FAP: variants seen among roughly 807,000 people sequenced by gnomAD.
FAP encodes the protein prolyl endopeptidase FAP.
A neutral mutation model predicts 126.5 loss-of-function variants in FAP; 110 were observed. The ratio of observed to expected loss-of-function variants is 0.87; its 90% CI spans 0.74 to 1.02. The LOEUF is 1.02. Among genes scored for constraint, FAP ranks in the 50% least tolerant of loss-of-function variants. FAP has a pLI of 0.00. For synonymous variants in FAP, 334 were observed against 297.3 expected (o/e 1.12, Z -1.27); for missense variants, 919 against 909.2 (o/e 1.01, Z -0.14).
At chr2:162,231,902 C>G (rs1001910887) in intron 2 of FAP, among the ~76,000 whole-genome samples, 1 of 152,124 alleles carries the variant, frequency 6.6e-6, no homozygotes, top group African/African-American at 2.4e-5. Context: ...CTCACTTTTG[C>G]ACTTGATTTG....
intron 20 of FAP, among the ~76,000 whole-genome samples, chr2:162,187,674 G>A (rs765692169): frequency 2.9e-4 from 44 of 152,006 alleles, no homozygotes; most frequent in Admixed American, 1.2e-3. Context: ...TTTGTCAAAC[G>A]AAAATAGGCA....
chr2:162,205,327 C>G (rs1164246684), intron 12 of FAP, among the ~76,000 whole-genome samples: 2 of 152,112 alleles, frequency 1.3e-5, no homozygotes, highest in Non-Finnish European at 1.5e-5. Context: ...GAGACTAATG[C>G]TTCCAAGTGA....
At chr2:162,176,181 A>G (rs1687477026) in intron 21 of FAP, 1 of 152,160 alleles carries the variant, frequency 6.6e-6, no homozygotes, top group Non-Finnish European at 1.5e-5. Flanking sequence ...AGAGAGAGGT[A>G]GACAGACATG....
chr2:162,198,404 G>A (rs1576157660), intron 16 of FAP: 16 of 1,232,476 alleles, frequency 1.3e-5, no homozygotes, highest in Non-Finnish European at 1.7e-5. Flanking sequence ...GTCTTGCGAA[G>A]CCTAGCTGAC....
At chr2:162,189,067 GTAAA>G (rs773241905) in intron 19 of FAP, 32 bp downstream of exon 19, 1 of 1,315,124 alleles carries the variant, frequency 7.6e-7, no homozygotes, top group South Asian at 1.3e-5. Context: ...CATATTTTCA[GTAAA>G]TAGTTTTTAC....
intron 14 of FAP, among the ~76,000 whole-genome samples, chr2:162,201,818 T>C (rs1688509678): frequency 6.6e-6 from 1 of 152,202 alleles, no homozygotes; most frequent in Non-Finnish European, 1.5e-5. Flanking sequence ...ACATTGCCAC[T>C]CTTCTAGTTC....
chr2:162,198,684 G>A lies in FAP; in HGVS notation c.1402+73C>T, dbSNP rs73973042. 9,871 of 1,533,308 alleles carry A rather than the reference G, an allele frequency of 6.4e-3. 553 individuals carry two copies. In the African/African-American group the frequency reaches 0.12, roughly 19 times the overall value. 95.0% of individuals were successfully genotyped at this position (1,533,308 alleles called of 1,614,324 possible). On this transcript the variant is annotated intron_variant, in intron 16 of 25. Coordinates refer to ENST00000188790, the MANE Select transcript of FAP (RefSeq NM_004460.5). The stretch of plus-strand genomic sequence containing the variant: ...TGCTCATTAACTGTAGCTACGAATT[G>A]ATCAGATAGAGGTGAGGAGGATGAC...
chr2:162,181,341 G>A (rs1220023838), intron 21 of FAP, among the ~76,000 whole-genome samples: 1 of 152,036 alleles, frequency 6.6e-6, no homozygotes, highest in Non-Finnish European at 1.5e-5. Context: ...AGAGAAAGGT[G>A]TCACAGGCAT....
At chr2:162,192,430 T>G (rs1688082296) in intron 17 of FAP, among the ~76,000 whole-genome samples, 1 of 152,078 alleles carries the variant, frequency 6.6e-6, no homozygotes, top group African/African-American at 2.4e-5. Context: ...ATCCCCCTCC[T>G]TCTGTTCCTT....
chr2:162,236,311 A>G (rs1690127496), intron 2 of FAP, among the ~76,000 whole-genome samples: 1 of 152,176 alleles, frequency 6.6e-6, no homozygotes, highest in South Asian at 2.1e-4. Flanking sequence ...TGCGGGTAAT[A>G]CCTTATAGAA....
chr2:162,216,947 T>C (rs1689179818), intron 9 of FAP, among the ~76,000 whole-genome samples: 1 of 152,224 alleles, frequency 6.6e-6, no homozygotes, highest in South Asian at 2.1e-4. Flanking sequence ...TCTTCAGTTC[T>C]GGGTTCCCCG....
intron 20 of FAP, among the ~76,000 whole-genome samples, chr2:162,186,192 T>A (rs1005594362): frequency 6.6e-6 from 1 of 152,150 alleles, no homozygotes; most frequent in Non-Finnish European, 1.5e-5. Flanking sequence ...TGTACTGCAA[T>A]GGCATGTATT....
At chr2:162,172,675 C>A (rs1406726452) in intron 25 of FAP, 136 bp downstream of exon 25, 1 of 611,440 alleles carries the variant, frequency 1.6e-6, no homozygotes, top group Non-Finnish European at 2.9e-6. Context: ...GATTCATTTG[C>A]TAATGTTCTG....
chr2:162,195,869 C>CA (rs1559770503), intron 16 of FAP, among the ~76,000 whole-genome samples: 2 of 152,232 alleles, frequency 1.3e-5, no homozygotes, highest in East Asian at 3.9e-4. Context: ...CCACCCCCCC[C>CA]AGATAGGGTG....
chr2:162,234,679 A>C (rs1273977064), intron 2 of FAP, among the ~76,000 whole-genome samples: 1 of 152,188 alleles, frequency 6.6e-6, no homozygotes, highest in Non-Finnish European at 1.5e-5. Flanking sequence ...AACAGTGTTG[A>C]GAGGTGACAG....
intron 15 of FAP, among the ~76,000 whole-genome samples, chr2:162,200,012 A>T (rs1177123411): frequency 1.3e-5 from 2 of 152,180 alleles, no homozygotes; most frequent in East Asian, 3.9e-4. Flanking sequence ...TACATATGTA[A>T]GTCAGATTAA....
rs1301618038 is a variant in FAP, at chr2:162,219,280, T to TA, written c.487-98dup. ...CTAATACCTTTAAACAGAGTGGTAA[T>TA]AAAGATACAAAAAAGATTCACAACT... On this transcript the variant is annotated intron_variant, in intron 7 of 25. Transcript: ENST00000188790. The TA allele has an allele frequency of 2.5e-6, 3 of 1,176,884 alleles. No homozygotes were observed. The East Asian group carries it at 8.0e-5, about 31-fold the overall frequency. The allele number at this position is 1,176,884 out of a possible 1,614,324, so 72.9% of individuals were successfully genotyped here. A position where few individuals can be genotyped will look rare whatever the true frequency, so the allele number is the denominator to read the frequency against.
rs145398904 is a variant in FAP at position 162,218,013 on chromosome 2, A to G, written c.735T>C (p.Pro245=). The part of the protein sequence containing the change: ...AYSYYGDEQY[P]RTINIPYPKA... ...TTGGGTATGGAATATTTATTGTTCTAGGATATTGTTCATCGCCATAATAGG... is the reference window on the plus strand; with the variant it reads ...TTGGGTATGGAATATTTATTGTTCTGGGATATTGTTCATCGCCATAATAGG... The change falls in exon 9 of 26, where the codon CCT becomes CCC. Residue 245 remains proline, a synonymous_variant. Coordinates refer to ENST00000188790, the MANE Select transcript of FAP (RefSeq NM_004460.5). The G allele has an allele frequency of 2.4e-5, 39 of 1,597,808 alleles. No homozygotes were observed. The African/African-American group carries it at 4.7e-4, about 19-fold the overall frequency.
At chr2:162,206,236 G>T (rs1218006566) in intron 12 of FAP, among the ~76,000 whole-genome samples, 1 of 152,158 alleles carries the variant, frequency 6.6e-6, no homozygotes, top group Non-Finnish European at 1.5e-5. Flanking sequence ...TGAGTTAAGT[G>T]CTTCTTGCAA....
Sources: allele counts gnomAD v4.1 joint callset (sites outside exome capture counted in the v4.1 genomes callset), GRCh38; gene constraint gnomAD v4.1.1; transcripts MANE v1.5; gene names NCBI Gene and HGNC (gene_info 2026-07-23, HGNC 2026-07-21).